Variants in HSPG2 observed in about 807,000 individuals in gnomAD.
HSPG2 encodes the protein basement membrane-specific heparan sulfate proteoglycan core protein.
Under a neutral mutation model 526.6 loss-of-function variants are expected in HSPG2, and 278 were observed. The observed-to-expected ratio is 0.53, with a 90% confidence interval of 0.48 to 0.58. The LOEUF is 0.58. Among genes scored for constraint, HSPG2 ranks in the 20% least tolerant of loss-of-function variants. The probability of loss-of-function intolerance (pLI) is 0.00; values close to 1 mark genes in which losing one functional copy is unlikely to be tolerated. For missense variants in HSPG2, 5,354 were observed against 6,099.5 expected, an observed-to-expected ratio of 0.88 and a Z score of 4.07; for synonymous variants, 2,465 against 2,555.4, an observed-to-expected ratio of 0.96 and a Z score of 1.07.
rs774631842 is a variant in HSPG2 at position 21,862,115 on chromosome 1, G to A, written c.4741C>T (p.Gln1581Ter). 1 of 1,612,274 alleles carries A rather than the reference G, an allele frequency of 6.2e-7. No homozygotes were observed. The highest frequency in any genetic ancestry group is 8.5e-7 in the Non-Finnish European group (1 of 1,180,026). ...LCHPETGACS[Q>*]CQHNAAGEFC... ...TCCCCTGCGGCGTTGTGCTGGCATT[G>A]CTGCAGGGCACAAGGAGGGCAGGCA... Residue 1581 changes from glutamine to a stop codon, truncating the protein, a stop_gained and splice_region_variant, in exon 38 of 97, where the codon CAA becomes TAA. Transcript: ENST00000374695. LOFTEE classifies it high-confidence loss of function.
chr1:21,890,531 T>G lies in HSPG2; in HGVS notation c.355-46A>C. On this transcript the variant is annotated intron_variant, in intron 4 of 96. Transcript: ENST00000374695. This position sits in a 1 kb window ranked among gnomAD's most constrained non-coding sequence, Gnocchi z 4.1. The stretch of plus-strand genomic sequence containing the variant: ...ATCAGCCCCAGAGGCCTTCACCCCA[T>G]CCTCGGTCCTGCCCCGCCACACCCG... 1 of 1,608,836 alleles carries G rather than the reference T, an allele frequency of 6.2e-7. No individual in the cohort carries two copies. Among genetic ancestry groups the G allele is most frequent in the Non-Finnish European group, 8.5e-7 (1 of 1,176,720 alleles).
chr1:21,916,589 G>C (rs1213316109), intron 1 of HSPG2, among the ~76,000 whole-genome samples: 1 of 151,804 alleles, frequency 6.6e-6, no homozygotes, highest in Non-Finnish European at 1.5e-5. Context: ...TTACTCCAGA[G>C]GCTGAGGCAG....
intron 1 of HSPG2, among the ~76,000 whole-genome samples, chr1:21,896,955 A>G (rs1180477248): frequency 7.9e-5 from 12 of 152,218 alleles, no homozygotes; most frequent in African/African-American, 9.6e-5. Flanking sequence ...AGAGCTCAGT[A>G]TCTGGGCTGA....
At chr1:21,855,050 T>C in intron 47 of HSPG2, 67 bp from the exon 48 acceptor site, 1 of 1,585,420 alleles carries the variant, frequency 6.3e-7, no homozygotes, top group Non-Finnish European at 8.6e-7. Flanking sequence ...GGGGGACAGA[T>C]AGGGCATAAA....
rs915942881 is a variant in HSPG2, at chr1:21,823,022, G to A, written c.*294C>T. On this transcript the variant is annotated 3_prime_UTR_variant, in exon 97 of 97. Coordinates refer to ENST00000374695, the MANE Select transcript of HSPG2 (RefSeq NM_005529.7). ...ATCTGGGGGCTCCATCGGTGGGTAG[G>A]GGGACAGTGGGGGCAGTTCTGGGCC... 24 of 311,534 alleles carry A rather than the reference G, an allele frequency of 7.7e-5. No homozygotes were observed. In the Admixed American group the frequency reaches 9.5e-4, roughly 12 times the overall value. 19.3% of individuals were successfully genotyped at this position (311,534 alleles called of 1,614,324 possible).
At position 21,838,067 on chromosome 1, in the gene HSPG2, T is replaced by C. The variant is rs372212750; in HGVS notation, c.10150+758A>G. The stretch of plus-strand genomic sequence containing the variant: ...ACGAGAAAGGCTTGAACTCGGGAGA[T>C]GGAGGTTGCAGTGAACCGAGATCAT... On this transcript the variant is annotated intron_variant, in intron 74 of 96. Coordinates refer to ENST00000374695, the MANE Select transcript of HSPG2 (RefSeq NM_005529.7). Among the ~76,000 whole-genome samples, 17 of 132,532 alleles carry C rather than the reference T, an allele frequency of 1.3e-4. 1 individual carries two copies. Among genetic ancestry groups the C allele is most frequent in the African/African-American group, 4.9e-4 (17 of 34,728 alleles). The allele number at this position is 132,532 out of a possible 152,430, so 86.9% of individuals were successfully genotyped here. A position where few individuals can be genotyped will look rare whatever the true frequency, so the allele number is the denominator to read the frequency against.
chr1:21,832,433 C>T, intron 81 of HSPG2, 62 bp downstream of exon 81: 2 of 1,349,992 alleles, frequency 1.5e-6, no homozygotes, highest in Non-Finnish European at 1.1e-6. Context: ...CCCAGGGTAG[C>T]ACTTGCCAGA....
intron 85 of HSPG2, chr1:21,830,372 G>A (rs1301630959): frequency 6.1e-6 from 3 of 490,604 alleles, no homozygotes; most frequent in Non-Finnish European, 1.1e-5. Context: ...GCGGGTAATG[G>A]GGTGGGCACC....
At chr1:21,905,175 A>C (rs1488809545) in intron 1 of HSPG2, among the ~76,000 whole-genome samples, 166 of 89,390 alleles carry the variant, frequency 1.9e-3, no homozygotes, top group Non-Finnish European at 3.1e-3. Context: ...ACCCACCCAC[A>C]CACACACACA....
At chr1:21,924,089 G>C (rs1309120451) in intron 1 of HSPG2, among the ~76,000 whole-genome samples, 1 of 152,190 alleles carries the variant, frequency 6.6e-6, no homozygotes, top group East Asian at 1.9e-4. Context: ...GACAGGACAG[G>C]CTTCAAGGTC....
chr1:21,854,446 C>T (rs556400213), intron 49 of HSPG2, 103 bp from the exon 50 acceptor site: 16 of 1,472,758 alleles, frequency 1.1e-5, no homozygotes, highest in East Asian at 5.0e-5. Flanking sequence ...GGCTCTGCTC[C>T]GAGCCATCCC....
chr1:21,839,028 A>G lies in HSPG2; in HGVS notation c.9947T>C (p.Val3316Ala). ...EHASVQAGET[V>A]QLQCLAHGTP... Reference sequence around the variant, plus strand: ...CCCGTGAGCCAGGCACTGGAGCTGCACCGTCTCCCCTGCCTGCACCGAAGC... The same window carrying G: ...CCCGTGAGCCAGGCACTGGAGCTGCGCCGTCTCCCCTGCCTGCACCGAAGC... Residue 3316 changes from valine to alanine, a missense_variant, in exon 74 of 97, where the codon GTG (valine) becomes GCG (alanine). Coordinates refer to ENST00000374695, the MANE Select transcript of HSPG2 (RefSeq NM_005529.7). The surrounding 1 kb of genome is among the most constrained non-coding windows in gnomAD (Gnocchi z 4.5). 2 of 1,604,292 alleles carry G rather than the reference A, an allele frequency of 1.2e-6. No individual in the cohort carries two copies. The highest frequency in any genetic ancestry group is 1.7e-6 in the Non-Finnish European group (2 of 1,172,280).
Position 21,844,199 on chromosome 1 carries a change from G to C in HSPG2, c.8565C>G (p.His2855Gln). 22 of 1,613,770 alleles carry C rather than the reference G, an allele frequency of 1.4e-5. No individual in the cohort carries two copies. Among genetic ancestry groups the C allele is most frequent in the Non-Finnish European group, 1.9e-5 (22 of 1,180,020 alleles). The change falls in exon 65 of 97, where the codon CAC (histidine) becomes CAG (glutamine). Residue 2855 changes from histidine (H) to glutamine (Q), a missense_variant. Transcript: ENST00000374695. ...CACGCTTGTGCCACGTGACCTGGGCGTGGGCCTGCCCGGGCACCACGCACT... is the reference window on the plus strand; with the variant it reads ...CACGCTTGTGCCACGTGACCTGGGCCTGGGCCTGCCCGGGCACCACGCACT... The part of the protein sequence containing the change: ...DLKCVVPGQA[H>Q]AQVTWHKRGG...
rs1279103617 is a variant in HSPG2, at chr1:21,864,614, A to G, written c.4626+229T>C. On this transcript the variant is annotated intron_variant, in intron 36 of 96. Transcript: ENST00000374695. This position sits in a 1 kb window ranked among gnomAD's most constrained non-coding sequence, Gnocchi z 4.8. The stretch of plus-strand genomic sequence containing the variant: ...AGGTTCAAATTAGTTTCTGCCACAC[A>G]TTAGCCGTGTGCCCTTGGGACACAC... Among the ~76,000 whole-genome samples the G allele has an allele frequency of 1.3e-5, 2 of 152,106 alleles. No individual in the cohort carries two copies. The highest frequency in any genetic ancestry group is 2.4e-5 in the African/African-American group (1 of 41,414).
rs1641324725 is a variant in HSPG2 at position 21,879,244 on chromosome 1, G to A, written c.2344-123C>T. On this transcript the variant is annotated intron_variant, in intron 17 of 96. Coordinates refer to ENST00000374695, the MANE Select transcript of HSPG2 (RefSeq NM_005529.7). ...CGCTGGAGGCACAGCTTTGCAGACAGGGGAGCATCAACTGCAACCACTTAT... is the reference window on the plus strand; with the variant it reads ...CGCTGGAGGCACAGCTTTGCAGACAAGGGAGCATCAACTGCAACCACTTAT... The A allele has an allele frequency of 2.0e-5, 23 of 1,158,618 alleles. No homozygotes were observed. The Middle Eastern group carries it at 6.7e-4, about 34-fold the overall frequency. 71.8% of individuals were successfully genotyped at this position (1,158,618 alleles called of 1,614,324 possible). A position where few individuals can be genotyped will look rare whatever the true frequency, so the allele number is the denominator to read the frequency against.
intron 50 of HSPG2, among the ~76,000 whole-genome samples, 198 bp downstream of exon 50, chr1:21,853,995 C>T (rs1316352773): frequency 6.6e-6 from 1 of 152,132 alleles, no homozygotes; most frequent in Non-Finnish European, 1.5e-5. Context: ...AACAGTCACT[C>T]ATAGGGAGCC....
At position 21,830,828 on chromosome 1, in the gene HSPG2, T is replaced by TA. The variant is rs562534652; in HGVS notation, c.11671+153_11671+154insT. On this transcript the variant is annotated intron_variant, in intron 85 of 96. Coordinates refer to ENST00000374695, the MANE Select transcript of HSPG2 (RefSeq NM_005529.7). ...GGTGAGGGCCTTCGGGTAGCAGAGA[T>TA]GGGGGATGGGTACATGGGAGGAGTG... is the stretch of plus-strand genomic sequence containing the variant. 8.1e-4 allele frequency: 501 copies of TA among 618,540 alleles called. 7 individuals carry two copies. In the East Asian group the frequency reaches 0.014, roughly 17 times the overall value. 38.3% of individuals were successfully genotyped at this position (618,540 alleles called of 1,614,324 possible).
intron 29 of HSPG2, 67 bp downstream of exon 29, chr1:21,873,858 C>A: frequency 7.2e-7 from 1 of 1,385,656 alleles, no homozygotes; most frequent in Non-Finnish European, 9.9e-7. Flanking sequence ...GAGCGCTGGG[C>A]CCTGCCTGAG....
At chr1:21,856,774 T>C (rs1347240841) in intron 44 of HSPG2, among the ~76,000 whole-genome samples, 2 of 152,210 alleles carry the variant, frequency 1.3e-5, no homozygotes, top group African/African-American at 4.8e-5. Flanking sequence ...CATCGCCATG[T>C]GTAGTTATCT....
Sources: gnomAD v4.1 joint callset for allele counts (sites outside exome capture counted in the v4.1 genomes callset) on GRCh38, gnomAD v4.1.1 for gene constraint, Gnocchi (gnomAD v3.1) non-coding constraint, MANE v1.5 for transcripts, NCBI Gene and HGNC (gene_info 2026-07-23, HGNC 2026-07-21) for gene names.